The following RREB1 variants were observed in gnomAD, a reference collection of about 807,000 sequenced individuals.
RREB1 encodes ras-responsive element-binding protein 1.
RREB1 carries 27 observed loss-of-function variants against 117.8 expected under a neutral mutation model. That is an observed-to-expected ratio of 0.23 (90% CI 0.17 to 0.32). RREB1 has a LOEUF of 0.32. Ranked by LOEUF, RREB1 falls within the 10% of genes least tolerant of loss-of-function variation. RREB1 has a pLI of 1.00. For missense variants in RREB1, 2,577 were observed against 2,378.2 expected (o/e 1.08, Z -1.74); for synonymous variants, 1,298 against 1,026.7 (o/e 1.26, Z -5.05).
rs958189901 is a variant in RREB1 at position 7,247,173 on chromosome 6, C to T, written c.4723C>T (p.Arg1575Trp). 1.9e-6 allele frequency: 3 copies of T among 1,613,836 alleles called. No individual in the cohort carries two copies. The highest frequency in any genetic ancestry group is 2.2e-5 in the South Asian group (2 of 91,078). The change falls in exon 12 of 13, where the codon CGG becomes TGG. Residue 1575 changes from arginine to tryptophan, a missense_variant. By Grantham distance (101) the Arg-to-Trp change is moderately radical. Transcript: ENST00000379938. ...RKKVCSVCNK[R>W]FWSLQDLTRH... The stretch of plus-strand genomic sequence containing the variant: ...GAAGGTCTGCAGCGTGTGCAACAAG[C>T]GGTTCTGGTCGCTGCAGGACCTGAC...
At chr6:7,132,354 C>T (rs62393582) in intron 1 of RREB1, among the ~76,000 whole-genome samples, 3 of 120,050 alleles carry the variant, frequency 2.5e-5, no homozygotes, top group East Asian at 1.9e-4. Context: ...CGTGCCCAGC[C>T]GAGATTGGGT....
chr6:7,174,439 C>T (rs1009519158), intron 1 of RREB1, among the ~76,000 whole-genome samples: 1 of 152,036 alleles, frequency 6.6e-6, no homozygotes, highest in Non-Finnish European at 1.5e-5. Context: ...TGTGTGCTTC[C>T]AGGACGCTAC....
chr6:7,226,318 C>A, intron 8 of RREB1, 149 bp from the exon 9 acceptor site: 1 of 599,766 alleles, frequency 1.7e-6, no homozygotes, highest in South Asian at 2.5e-5. Flanking sequence ...AACCATGCAG[C>A]CTGGCTTCTT....
intron 8 of RREB1, chr6:7,213,096 T>A (rs1243165519): frequency 6.6e-6 from 1 of 152,210 alleles, no homozygotes; most frequent in East Asian, 1.9e-4. Flanking sequence ...TGTTTTCTCA[T>A]CCTTCAAATT....
chr6:7,216,525 G>A (rs978180377), intron 8 of RREB1: 11 of 152,242 alleles, frequency 7.2e-5, no homozygotes, highest in Admixed American at 3.3e-4. Flanking sequence ...CCCCCTTCCT[G>A]TATCTTAGTA....
At chr6:7,232,035 C>T in intron 10 of RREB1, 128 bp downstream of exon 10, 1 of 956,870 alleles carries the variant, frequency 1.0e-6, no homozygotes, top group East Asian at 2.6e-5. Context: ...CTTCCCCGGT[C>T]TCCGAAGCCC....
intron 1 of RREB1, among the ~76,000 whole-genome samples, chr6:7,160,326 A>C (rs1297674799): frequency 2.0e-5 from 3 of 152,070 alleles, no homozygotes; most frequent in African/African-American, 7.2e-5. Flanking sequence ...AAATTATGTT[A>C]AGTTTTTTTA....
intron 6 of RREB1, among the ~76,000 whole-genome samples, chr6:7,190,165 T>C (rs1765328729): frequency 6.6e-6 from 1 of 152,218 alleles, no homozygotes; most frequent in African/African-American, 2.4e-5. Flanking sequence ...CGGTTAAGTT[T>C]CTTGATTTGG....
rs974123364 is a variant in RREB1 at position 7,248,981 on chromosome 6, C to G, written c.*13C>G. 1 of 1,452,840 alleles carries G rather than the reference C, an allele frequency of 6.9e-7. No individual in the cohort carries two copies. The highest frequency in any genetic ancestry group is 1.4e-5 in the African/African-American group (1 of 70,102). 90.0% of individuals were successfully genotyped at this position (1,452,840 alleles called of 1,614,324 possible). ...GGGGATGGAGTGACAGCCTCAGTCC[C>G]CCTCAGCACAGACAAAAGCCAGCAG... On this transcript the variant is annotated 3_prime_UTR_variant, in exon 13 of 13. Coordinates refer to ENST00000379938, the MANE Select transcript of RREB1 (RefSeq NM_001003699.4).
chr6:7,119,957 G>C (rs1259706120), intron 1 of RREB1, among the ~76,000 whole-genome samples: 2 of 152,148 alleles, frequency 1.3e-5, no homozygotes, highest in Non-Finnish European at 2.9e-5. Flanking sequence ...TCGTGGAAGG[G>C]AGACATGACT....
At chr6:7,194,532 C>T (rs559260733) in intron 6 of RREB1, among the ~76,000 whole-genome samples, 7 of 152,282 alleles carry the variant, frequency 4.6e-5, no homozygotes, top group African/African-American at 1.4e-4. Flanking sequence ...GCGTGGGGAA[C>T]AGAAGAAAAG....
At chr6:7,162,008 A>G (rs940335427) in intron 1 of RREB1, among the ~76,000 whole-genome samples, 4 of 152,144 alleles carry the variant, frequency 2.6e-5, no homozygotes, top group Admixed American at 2.6e-4. Context: ...GATAAAGTTC[A>G]TGGCTCTTAG....
At chr6:7,239,405 T>G (rs1768547952) in intron 10 of RREB1, among the ~76,000 whole-genome samples, 1 of 152,152 alleles carries the variant, frequency 6.6e-6, no homozygotes, top group Non-Finnish European at 1.5e-5. Context: ...CCCTCCCTCC[T>G]CCTCTCTTTT....
intron 1 of RREB1, among the ~76,000 whole-genome samples, chr6:7,146,100 AACAC>A (rs372681071): frequency 6.6e-6 from 1 of 150,476 alleles, no homozygotes. Context: ...TCCCCCCACC[AACAC>A]ACACACACAG....
intron 10 of RREB1, among the ~76,000 whole-genome samples, chr6:7,239,577 A>C (rs1768559352): frequency 6.6e-6 from 1 of 152,236 alleles, no homozygotes; most frequent in Admixed American, 6.5e-5. Flanking sequence ...CCAAAGCAGG[A>C]GGGGACTGTG....
chr6:7,229,604 A>G lies in RREB1; in HGVS notation c.1505A>G (p.Lys502Arg), dbSNP rs1481806549. Residue 502 changes from lysine to arginine, a missense_variant, in exon 10 of 13, where the codon AAG (lysine) becomes AGG (arginine). Coordinates refer to ENST00000379938, the MANE Select transcript of RREB1 (RefSeq NM_001003699.4). This position sits in a 1 kb window ranked among gnomAD's most constrained non-coding sequence, Gnocchi z 4.5. ...GCCGCCCCACTGCAGGCGATCTTCA[A>G]GCACATGCCCCCTCTGAAGCCAAAG... is the stretch of plus-strand genomic sequence containing the variant. ...APAAPLQAIF[K>R]HMPPLKPKPL... 5 of 1,612,244 alleles carry G rather than the reference A, an allele frequency of 3.1e-6. No homozygotes were observed. The highest frequency in any genetic ancestry group is 2.7e-5 in the African/African-American group (2 of 74,874).
intron 1 of RREB1, among the ~76,000 whole-genome samples, chr6:7,114,360 CTGA>C (rs1761284647): frequency 6.6e-6 from 1 of 151,962 alleles, no homozygotes; most frequent in South Asian, 2.1e-4. Flanking sequence ...AAGGAAAAAG[CTGA>C]TGACAAGCTT....
intron 1 of RREB1, among the ~76,000 whole-genome samples, chr6:7,151,467 T>C (rs1763119339): frequency 6.6e-6 from 1 of 152,182 alleles, no homozygotes; most frequent in Non-Finnish European, 1.5e-5. Flanking sequence ...CTCTGTGCTA[T>C]GGAGTCCACG....
At chr6:7,174,528 C>G (rs1764405996) in intron 1 of RREB1, among the ~76,000 whole-genome samples, 1 of 152,108 alleles carries the variant, frequency 6.6e-6, no homozygotes, top group Non-Finnish European at 1.5e-5. Flanking sequence ...GGCAGCAGAT[C>G]TAAATTTTAA....
Sources: gnomAD v4.1 joint callset for allele counts (sites outside exome capture counted in the v4.1 genomes callset) on GRCh38, gnomAD v4.1.1 for gene constraint, Gnocchi (gnomAD v3.1) non-coding constraint, MANE v1.5 for transcripts, NCBI Gene and HGNC (gene_info 2026-07-23, HGNC 2026-07-21) for gene names.